SORL1: variants seen among roughly 807,000 people sequenced by gnomAD.
SORL1 encodes sortilin related receptor 1, also known as sortilin-related receptor.
Under a neutral mutation model 273.7 loss-of-function variants are expected in SORL1, and 127 were observed. The observed-to-expected ratio is 0.46, with a 90% CI of 0.40 to 0.54. The LOEUF is 0.54. Ranked by LOEUF, SORL1 falls within the 20% of genes least tolerant of loss-of-function variation. The pLI is 0.00. For missense variants in SORL1, 2,494 were observed against 2,846.1 expected, an observed-to-expected ratio of 0.88 and a Z score of 2.81; for synonymous variants, 1,031 against 1,067.4, an observed-to-expected ratio of 0.97 and a Z score of 0.66.
chr11:121,474,472 C>G (rs757470670), intron 2 of SORL1, among the ~76,000 whole-genome samples: 3 of 152,198 alleles, frequency 2.0e-5, no homozygotes, highest in African/African-American at 7.2e-5. Context: ...TTCTCTCCCT[C>G]CTCTTTATTA....
At position 121,583,730 on chromosome 11, in the gene SORL1, T is replaced by C. The variant is rs191547765; in HGVS notation, c.3706+147T>C. Reference sequence around the variant, plus strand: ...ACCAAATAAGCCCATCTACTTTCTATGTTATATTGCCATATGATGTATCAG... The same window carrying C: ...ACCAAATAAGCCCATCTACTTTCTACGTTATATTGCCATATGATGTATCAG... On this transcript the variant is annotated intron_variant, in intron 26 of 47. Coordinates refer to ENST00000260197, the MANE Select transcript of SORL1 (RefSeq NM_003105.6). 206 of 802,224 alleles carry C rather than the reference T, an allele frequency of 2.6e-4. No homozygotes were observed. In the African/African-American group the frequency reaches 3.4e-3, roughly 13 times the overall value. The allele number at this position is 802,224 out of a possible 1,614,324, so 49.7% of individuals were successfully genotyped here.
In SORL1 at chr11:121,550,564, G is replaced by T; in HGVS notation, c.2181-21G>T. 1 of 1,612,202 alleles carries T rather than the reference G, an allele frequency of 6.2e-7. No homozygotes were observed. On this transcript the variant is annotated intron_variant, in intron 15 of 47. Transcript: ENST00000260197. This position sits in a 1 kb window ranked among gnomAD's most constrained non-coding sequence, Gnocchi z 5.3. ...TATTCTTCCATGTTTCTGACCTCTT[G>T]CTCTTGGGGTGGGGTGACAGCTACC...
At chr11:121,581,963 G>A (rs1046390184) in intron 25 of SORL1, among the ~76,000 whole-genome samples, 3 of 152,206 alleles carry the variant, frequency 2.0e-5, no homozygotes, top group Non-Finnish European at 2.9e-5. Context: ...GGCTGTTACT[G>A]GGGCAGAAAC....
intron 23 of SORL1, among the ~76,000 whole-genome samples, chr11:121,571,585 A>G (rs1862844802): frequency 6.6e-6 from 1 of 152,234 alleles, no homozygotes; most frequent in African/African-American, 2.4e-5. Context: ...TTTGTACTGT[A>G]AGAACAGATT....
chr11:121,615,068 G>C lies in SORL1; in HGVS notation c.5604+13G>C, dbSNP rs1591354667. 6.3e-7 allele frequency: 1 copy of C among 1,582,720 alleles called. No homozygotes were observed. ...CCCCCGGAATGTGGTGAGTCAGCCA[G>C]AATGACCATCACAAAGTGAGTGTGG... On this transcript the variant is annotated intron_variant, in intron 41 of 47. Transcript: ENST00000260197.
chr11:121,556,235 G>T (rs1165179915), intron 18 of SORL1, among the ~76,000 whole-genome samples: 1 of 152,212 alleles, frequency 6.6e-6, no homozygotes, highest in Non-Finnish European at 1.5e-5. Context: ...TGTTCCAGTA[G>T]AGCTTAGATT....
intron 12 of SORL1, among the ~76,000 whole-genome samples, chr11:121,542,270 GTCTCAAA>G (rs891886468): frequency 2.6e-5 from 4 of 152,122 alleles, no homozygotes; most frequent in African/African-American, 9.7e-5. Context: ...TTTCTCAGTT[GTCTCAAA>G]TTATTTATGG....
chr11:121,625,266 A>T lies in SORL1; in HGVS notation c.6353A>T (p.Glu2118Val). ...CGEPAILLYD[E>V]LGSGADASAT... The stretch of plus-strand genomic sequence containing the variant: ...GAGCCTGCCATCCTGCTGTACGATG[A>T]GCTGGGGTCTGGTGAGTTGCGATTG... Residue 2118 changes from glutamate to valine, a missense_variant, in exon 46 of 48, where the codon GAG becomes GTG. By Grantham distance (121) the Glu-to-Val change is moderately radical. Transcript: ENST00000260197. The T allele has an allele frequency of 6.2e-7, 1 of 1,612,298 alleles. No homozygotes were observed. Among genetic ancestry groups the T allele is most frequent in the South Asian group, 1.1e-5 (1 of 90,698 alleles).
chr11:121,463,830 G>A (rs1355652046), intron 1 of SORL1, among the ~76,000 whole-genome samples: 2 of 152,186 alleles, frequency 1.3e-5, no homozygotes, highest in African/African-American at 2.4e-5. Context: ...AGGATAATAA[G>A]CCTGCTAAAT....
chr11:121,627,509 C>G lies in SORL1; in HGVS notation c.6365-46C>G, dbSNP rs1424434468. The G allele has an allele frequency of 6.5e-7, 1 of 1,535,266 alleles. No individual in the cohort carries two copies. Among genetic ancestry groups the G allele is most frequent in the East Asian group, 2.2e-5 (1 of 44,542 alleles). On this transcript the variant is annotated intron_variant, in intron 46 of 47. Transcript: ENST00000260197. The surrounding 1 kb of genome is among the most constrained non-coding windows in gnomAD (Gnocchi z 4.9). ...GCCTTGAGGAGTCATCTGGTCTGTT[C>G]TCCTGCCCTCAGGTGGGCTTATTGG...
chr11:121,560,218 T>C (rs888798459), intron 21 of SORL1, among the ~76,000 whole-genome samples: 1 of 152,230 alleles, frequency 6.6e-6, no homozygotes, highest in Non-Finnish European at 1.5e-5. Flanking sequence ...GTTTTACCAG[T>C]GTCTAGCACT....
At chr11:121,522,779 A>T in intron 10 of SORL1, 76 bp downstream of exon 10, 1 of 1,380,328 alleles carries the variant, frequency 7.2e-7, no homozygotes, top group South Asian at 1.2e-5. Context: ...GCGATCACCC[A>T]CACCTCCAGC....
chr11:121,492,094 C>T (rs1861562445), intron 5 of SORL1, among the ~76,000 whole-genome samples: 1 of 152,176 alleles, frequency 6.6e-6, no homozygotes, highest in African/African-American at 2.4e-5. Context: ...AGTGCGGTGG[C>T]TCATGCCTGT....
chr11:121,522,548 A>G lies in SORL1; in HGVS notation c.1405-38A>G, dbSNP rs192616744. The stretch of plus-strand genomic sequence containing the variant: ...GTTTACAGGGAACGCTAGGCATGGT[A>G]TCATGTGCTGACACTGCCTGAAACT... On this transcript the variant is annotated intron_variant, in intron 9 of 47. Coordinates refer to ENST00000260197, the MANE Select transcript of SORL1 (RefSeq NM_003105.6). 9 of 1,430,784 alleles carry G rather than the reference A, an allele frequency of 6.3e-6. No individual in the cohort carries two copies. The East Asian group carries it at 1.4e-4, about 22-fold the overall frequency. The allele number at this position is 1,430,784 out of a possible 1,614,324, so 88.6% of individuals were successfully genotyped here. A position where few individuals can be genotyped will look rare whatever the true frequency, so the allele number is the denominator to read the frequency against.
intron 35 of SORL1, 34 bp from the exon 36 acceptor site, chr11:121,606,810 GA>G: frequency 1.3e-6 from 2 of 1,499,276 alleles, no homozygotes; most frequent in Non-Finnish European, 1.9e-6. Flanking sequence ...CTGCTATGCA[GA>G]TGGGTTTTAA....
At chr11:121,508,784 G>A (rs1861826152) in intron 6 of SORL1, among the ~76,000 whole-genome samples, 1 of 152,112 alleles carries the variant, frequency 6.6e-6, no homozygotes, top group South Asian at 2.1e-4. Flanking sequence ...AATGTGCCTT[G>A]GATTTTTGCA....
At chr11:121,461,878 G>T (rs1157760751) in intron 1 of SORL1, among the ~76,000 whole-genome samples, 7 of 152,164 alleles carry the variant, frequency 4.6e-5, no homozygotes, top group African/African-American at 1.7e-4. Flanking sequence ...TGGTTGAGAG[G>T]CATTTGGTAA....
intron 24 of SORL1, among the ~76,000 whole-genome samples, chr11:121,575,942 G>T (rs1358904274): frequency 1.3e-5 from 2 of 152,118 alleles, no homozygotes; most frequent in African/African-American, 4.8e-5. Context: ...TTCATCCCAG[G>T]GTCCCGGTTA....
At chr11:121,519,410 C>G (rs1222598078) in intron 8 of SORL1, among the ~76,000 whole-genome samples, 1 of 151,424 alleles carries the variant, frequency 6.6e-6, no homozygotes, top group African/African-American at 2.4e-5. Flanking sequence ...TATTCTCTCT[C>G]TCTTTTTTTT....
Sources: gnomAD v4.1 joint callset for allele counts (sites outside exome capture counted in the v4.1 genomes callset) on GRCh38, gnomAD v4.1.1 for gene constraint, Gnocchi (gnomAD v3.1) non-coding constraint, MANE v1.5 for transcripts, NCBI Gene and HGNC (gene_info 2026-07-23, HGNC 2026-07-21) for gene names.